Variants in ANXA5 observed in about 807,000 individuals in gnomAD.
ANXA5 encodes the protein CBP-I.
In ANXA5, 40 loss-of-function variants were observed where a neutral mutation model predicts 48.1. The observed-to-expected ratio is 0.83, with a 90% CI of 0.65 to 1.08. The LOEUF is 1.08. Among genes scored for constraint, ANXA5 ranks in the 50% least tolerant of loss-of-function variants. ANXA5 has a pLI of 0.00. For missense variants in ANXA5, 357 were observed against 376.8 expected (o/e 0.95, Z 0.44); for synonymous variants, 113 against 129.1 (o/e 0.88, Z 0.85).
intron 2 of ANXA5, among the ~76,000 whole-genome samples, chr4:121,687,036 G>A (rs1341989678): frequency 2.0e-5 from 3 of 152,214 alleles, no homozygotes; most frequent in Non-Finnish European, 4.4e-5. Context: ...GCTGGGCGCA[G>A]TGGCTCACGC....
chr4:121,670,044 C>T (rs1560823184), intron 10 of ANXA5, 32 bp from the exon 11 acceptor site: 2 of 1,468,444 alleles, frequency 1.4e-6, no homozygotes, highest in Non-Finnish European at 1.9e-6. Flanking sequence ...TGGTCAAATG[C>T]TATTTTGATA....
rs529852878 is a variant in ANXA5 at position 121,684,351 on chromosome 4, G to A, written c.189+326C>T. On this transcript the variant is annotated intron_variant, in intron 4 of 12. Transcript: ENST00000296511. ...TAAAACAAAACATATTTTAATACAG[G>A]CTTACACCTAGAAAATGGATAGTAA... Among the ~76,000 whole-genome samples, 5 of 152,258 alleles carry A rather than the reference G, an allele frequency of 3.3e-5. No homozygotes were observed. The South Asian group carries it at 1.0e-3, about 32-fold the overall frequency.
At chr4:121,681,471 G>T in intron 6 of ANXA5, 200 bp downstream of exon 6, 1 of 442,798 alleles carries the variant, frequency 2.3e-6, no homozygotes. Context: ...TATAAAATAT[G>T]AAAATAGTAG....
In ANXA5 at chr4:121,696,631, A is replaced by G. The variant is rs776701761; in HGVS notation, c.-35-7T>C. ...AGGGGAAGGTGAAGCAGGACTGCAA[A>G]AGAGAAGAAACCTCGGGCTTAGCGC... On this transcript the variant is annotated splice_polypyrimidine_tract_variant and splice_region_variant and intron_variant, in intron 1 of 12. Coordinates refer to ENST00000296511, the MANE Select transcript of ANXA5 (RefSeq NM_001154.4). The G allele has an allele frequency of 8.0e-6, 11 of 1,381,940 alleles. No homozygotes were observed. The South Asian group carries it at 1.8e-4, about 23-fold the overall frequency. The allele number at this position is 1,381,940 out of a possible 1,614,324, so 85.6% of individuals were successfully genotyped here. A position where few individuals can be genotyped will look rare whatever the true frequency, so the allele number is the denominator to read the frequency against.
At chr4:121,679,232 T>C (rs552778986) in intron 6 of ANXA5, among the ~76,000 whole-genome samples, 2 of 152,344 alleles carry the variant, frequency 1.3e-5, no homozygotes, top group South Asian at 2.1e-4. Flanking sequence ...TTCAACAAGT[T>C]ACCCAAATAC....
rs150038667 is a variant in ANXA5 at position 121,676,685 on chromosome 4, G to C, written c.531+1209C>G. 1.7e-3 allele frequency among the ~76,000 whole-genome samples: 255 copies of C among 146,504 alleles called. 1 individual carries two copies. The highest frequency in any genetic ancestry group is 2.9e-3 in the Non-Finnish European group (192 of 65,574). On this transcript the variant is annotated intron_variant, in intron 8 of 12. Transcript: ENST00000296511. ...TGTGACAGGAAGCCTGGGGGCGGGG[G>C]GGGGTATGGTTTTCCCTGTGAGGGG...
intron 12 of ANXA5, 119 bp from the exon 13 acceptor site, chr4:121,668,646 T>G: frequency 1.3e-6 from 1 of 788,312 alleles, no homozygotes; most frequent in Non-Finnish European, 2.2e-6. Context: ...GGGTAATCTC[T>G]GTGACTTTCA....
chr4:121,695,091 A>G (rs981214128), intron 2 of ANXA5, among the ~76,000 whole-genome samples: 2 of 152,372 alleles, frequency 1.3e-5, no homozygotes, highest in South Asian at 4.1e-4. Context: ...GCAAAGATAG[A>G]GGGAATTATT....
intron 3 of ANXA5, among the ~76,000 whole-genome samples, chr4:121,685,034 G>GTA (rs71599154): frequency 0.32 from 43,515 of 135,158 alleles, 7,021 homozygotes; most frequent in African/African-American, 0.4. Context: ...AAAAAAATAT[G>GTA]TATATATATA....
intron 2 of ANXA5, among the ~76,000 whole-genome samples, chr4:121,690,319 G>A (rs1287425568): frequency 4.6e-5 from 7 of 152,292 alleles, no homozygotes; most frequent in African/African-American, 1.7e-4. Flanking sequence ...CTAAAGGCAA[G>A]AAGAAAATCC....
chr4:121,670,486 C>T (rs1305078908), intron 10 of ANXA5, among the ~76,000 whole-genome samples: 2 of 152,108 alleles, frequency 1.3e-5, no homozygotes, highest in African/African-American at 4.8e-5. Context: ...ATCAATGATT[C>T]ACACAGAGCA....
chr4:121,676,952 G>A (rs1463097310), intron 8 of ANXA5, among the ~76,000 whole-genome samples: 1 of 152,198 alleles, frequency 6.6e-6, no homozygotes, highest in Non-Finnish European at 1.5e-5. Context: ...CTAAGACAGA[G>A]TGAAGCAAGA....
At chr4:121,675,067 G>A (rs1343514491) in intron 8 of ANXA5, among the ~76,000 whole-genome samples, 1 of 152,292 alleles carries the variant, frequency 6.6e-6, no homozygotes, top group Non-Finnish European at 1.5e-5. Flanking sequence ...AAAAGTGCCT[G>A]ATTACTTCTC....
chr4:121,672,344 C>G (rs74981340), intron 9 of ANXA5, among the ~76,000 whole-genome samples, 189 bp downstream of exon 9: 2 of 152,192 alleles, frequency 1.3e-5, no homozygotes, highest in African/African-American at 4.8e-5. Flanking sequence ...GACTCAGGAT[C>G]TCTAGTTTGT....
chr4:121,669,688 T>G lies in ANXA5; in HGVS notation c.817A>C (p.Met273Leu). The change falls in exon 12 of 13, where the codon ATG (methionine) becomes CTG (leucine). Residue 273 changes from methionine to leucine, a missense_variant. Coordinates refer to ENST00000296511, the MANE Select transcript of ANXA5 (RefSeq NM_001154.4). The stretch of plus-strand genomic sequence containing the variant: ...AGATCAATCTCACTCCTGGAAACCA[T>G]GACTCTGATGAGGGTATGATCATCT... ...GTDDHTLIRV[M>L]VSRSEIDLFN... 6.2e-7 allele frequency: 1 copy of G among 1,610,788 alleles called. No homozygotes were observed. The highest frequency in any genetic ancestry group is 8.5e-7 in the Non-Finnish European group (1 of 1,179,346).
chr4:121,694,478 G>A (rs926942975), intron 2 of ANXA5, among the ~76,000 whole-genome samples: 12 of 151,992 alleles, frequency 7.9e-5, no homozygotes, highest in Admixed American at 7.9e-4. Context: ...TCCGCCTCCC[G>A]GGTTCAAGTG....
chr4:121,671,703 A>G, intron 9 of ANXA5, 61 bp from the exon 10 acceptor site: 1 of 1,134,108 alleles, frequency 8.8e-7, no homozygotes, highest in Non-Finnish European at 1.3e-6. Flanking sequence ...GAAAGATGGT[A>G]TTTACTTTGA....
chr4:121,686,171 A>C (rs1724886193), intron 3 of ANXA5, 117 bp downstream of exon 3: 1 of 777,238 alleles, frequency 1.3e-6, no homozygotes, highest in African/African-American at 1.7e-5. Context: ...ATCTTAACAT[A>C]TCTCTTCTCC....
intron 12 of ANXA5, 38 bp from the exon 13 acceptor site, chr4:121,668,565 C>T (rs772687567): frequency 1.3e-6 from 2 of 1,582,344 alleles, no homozygotes; most frequent in African/African-American, 2.7e-5. Flanking sequence ...CCATGACTCA[C>T]AGAAGCCATA....
Sources: gnomAD v4.1 joint callset for allele counts (sites outside exome capture counted in the v4.1 genomes callset) on GRCh38, gnomAD v4.1.1 for gene constraint, MANE v1.5 for transcripts, NCBI Gene and HGNC (gene_info 2026-07-23, HGNC 2026-07-21) for gene names.